The following GCNT4 variants were observed in gnomAD, a reference collection of about 807,000 sequenced individuals.
GCNT4 encodes beta-1,3-galactosyl-O-glycosyl-glycoprotein beta-1,6-N-acetylglucosaminyltransferase 4.
A neutral mutation model predicts 31.3 loss-of-function variants in GCNT4; 17 were observed. That is an observed-to-expected ratio of 0.54 (90% confidence interval 0.37 to 0.81). The LOEUF (loss-of-function observed/expected upper bound fraction) is 0.81, where lower values mean the gene tolerates loss of function less well. Among genes scored for constraint, GCNT4 ranks in the 40% least tolerant of loss-of-function variants. GCNT4 has a pLI of 0.00. For missense variants in GCNT4, 503 were observed against 525.5 expected (o/e 0.96, Z 0.42); for synonymous variants, 158 against 190.6 (o/e 0.83, Z 1.41).
chr5:75,018,462 A>G, the GCNT4 span, among the ~76,000 whole-genome samples: 1 of 151,930 alleles, frequency 6.6e-6, no homozygotes. Flanking sequence ...TTGTATTTTT[A>G]GTAGAGACGG....
rs1743027394 is a variant in GCNT4, at chr5:75,029,991, A to G, written c.47T>C (p.Val16Ala). ...CCATAGGGTTAAAAACAGGATGAAAACTTTCTGCTGTAGGGTATGTTTAAA... is the reference window on the plus strand; with the variant it reads ...CCATAGGGTTAAAAACAGGATGAAAGCTTTCTGCTGTAGGGTATGTTTAAA... ...CYFKHTLQQK[V>A]FILFLTLWLL... The change falls in exon 4 of 4, where the codon GTT becomes GCT. Residue 16 changes from valine (V) to alanine (A), a missense_variant. By Grantham distance (64) the Val-to-Ala change is moderately conservative (BLOSUM62 0). Transcript: ENST00000652361. The G allele has an allele frequency of 1.2e-6, 2 of 1,611,626 alleles. No individual in the cohort carries two copies. The highest frequency in any genetic ancestry group is 1.7e-5 in the Admixed American group (1 of 59,574).
intron 2 of GCNT4, among the ~76,000 whole-genome samples, chr5:75,049,125 A>G (rs1323374762): frequency 1.1e-5 from 1 of 94,906 alleles, no homozygotes; most frequent in African/African-American, 4.5e-5. Flanking sequence ...GAAGCCTCAC[A>G]CATTTGTGAT....
upstream of GCNT4, among the ~76,000 whole-genome samples, chr5:75,054,027 A>G (rs1743654247): frequency 6.6e-6 from 1 of 151,346 alleles, no homozygotes; most frequent in Non-Finnish European, 1.5e-5. Flanking sequence ...AACCAGACAG[A>G]AGGCAGCTCG....
At chr5:75,034,361 T>A (rs1230485260) in intron 3 of GCNT4, among the ~76,000 whole-genome samples, 1 of 152,128 alleles carries the variant, frequency 6.6e-6, no homozygotes, top group Non-Finnish European at 1.5e-5. Flanking sequence ...GGTGGGCTGG[T>A]AGAGGCCCCG....
At chr5:75,021,573 A>G (rs1382482429), downstream of GCNT4, among the ~76,000 whole-genome samples, 2 of 152,226 alleles carry the variant, frequency 1.3e-5, no homozygotes, top group African/African-American at 2.4e-5. Flanking sequence ...TGCACTAGCT[A>G]TTAGATTACA....
chr5:75,041,416 C>T (rs556918668), intron 3 of GCNT4, among the ~76,000 whole-genome samples: 5 of 152,184 alleles, frequency 3.3e-5, no homozygotes, highest in African/African-American at 4.8e-5. Context: ...CAATTATGAA[C>T]GTCATCATCT....
chr5:75,018,461 T>C, the GCNT4 span, among the ~76,000 whole-genome samples: 1 of 152,088 alleles, frequency 6.6e-6, no homozygotes, highest in African/African-American at 2.4e-5. Context: ...TTTGTATTTT[T>C]AGTAGAGACG....
Position 75,028,727 on chromosome 5 carries a change from A to C in GCNT4, c.1311T>G (p.Thr437=). 6.2e-7 allele frequency: 1 copy of C among 1,613,872 alleles called. No individual in the cohort carries two copies. ...KLEEQQRDWI[T]LPSEKLFMDR... ...CCATAAATAACTTTTCTGAGGGCAA[A>C]GTGATCCAGTCTCTCTGCTGTTCTT... Residue 437 remains threonine, a synonymous_variant, in exon 4 of 4, where the codon ACT becomes ACG. Coordinates refer to ENST00000652361, the MANE Select transcript of GCNT4 (RefSeq NM_001366737.1).
intron 3 of GCNT4, among the ~76,000 whole-genome samples, chr5:75,041,579 A>G (rs1351180110): frequency 3.9e-5 from 6 of 152,208 alleles, no homozygotes; most frequent in Non-Finnish European, 8.8e-5. Flanking sequence ...TTGGGCAGAA[A>G]TAAAGGACCT....
At chr5:75,017,065 T>A in the GCNT4 span, among the ~76,000 whole-genome samples, 1 of 152,196 alleles carries the variant, frequency 6.6e-6, no homozygotes, top group African/African-American at 2.4e-5. Context: ...TAGACTAGAG[T>A]TCCTGGAGGA....
At chr5:75,041,601 T>G (rs1040826272) in intron 3 of GCNT4, among the ~76,000 whole-genome samples, 2 of 152,158 alleles carry the variant, frequency 1.3e-5, no homozygotes, top group Non-Finnish European at 2.9e-5. Context: ...TAAGATTACA[T>G]GGGAAATGAG....
chr5:75,047,059 T>G (rs1172168681), intron 3 of GCNT4, among the ~76,000 whole-genome samples: 2 of 152,242 alleles, frequency 1.3e-5, no homozygotes, highest in African/African-American at 4.8e-5. Flanking sequence ...GGCCTCTTTT[T>G]GCCTTGCTAC....
At chr5:75,036,517 A>G (rs561973019) in intron 3 of GCNT4, among the ~76,000 whole-genome samples, 9 of 152,338 alleles carry the variant, frequency 5.9e-5, no homozygotes, top group East Asian at 5.8e-4. Context: ...AAAATTCTCC[A>G]TATTTCCCGC....
rs1002273893 is a variant in GCNT4 at position 75,029,485 on chromosome 5, T to C, written c.553A>G (p.Asn185Asp). The C allele has an allele frequency of 2.6e-5, 42 of 1,613,964 alleles. No homozygotes were observed. In the East Asian group the frequency reaches 3.1e-4, roughly 12 times the overall value. ...TCTAATTTGGAAGCAATGAAAATAT[T>C]GGAGAAGCACTTAGCTAAATTGTTC... is the stretch of plus-strand genomic sequence containing the variant. ...AMNNLAKCFS[N>D]IFIASKLEAV... The change falls in exon 4 of 4, where the codon AAT becomes GAT. Residue 185 changes from asparagine to aspartate, a missense_variant. By Grantham distance (23) the Asn-to-Asp change is conservative. Coordinates refer to ENST00000652361, the MANE Select transcript of GCNT4 (RefSeq NM_001366737.1).
chr5:75,049,349 ATTAAG>A (rs1743515437), intron 2 of GCNT4, among the ~76,000 whole-genome samples: 1 of 152,190 alleles, frequency 6.6e-6, no homozygotes, highest in South Asian at 2.1e-4. Flanking sequence ...TTCATAACAT[ATTAAG>A]TTGTGAGCTA....
At chr5:75,037,706 G>A (rs555519653) in intron 3 of GCNT4, among the ~76,000 whole-genome samples, 11 of 151,824 alleles carry the variant, frequency 7.2e-5, no homozygotes, top group African/African-American at 1.7e-4. Flanking sequence ...GTGAAACTCC[G>A]TCTCTACTGA....
At chr5:75,034,026 T>C (rs974211057) in intron 3 of GCNT4, among the ~76,000 whole-genome samples, 1 of 152,338 alleles carries the variant, frequency 6.6e-6, no homozygotes, top group Non-Finnish European at 1.5e-5. Context: ...TCATTCTTTT[T>C]TATGGCCGCA....
chr5:75,045,931 TG>T (rs138647562), intron 3 of GCNT4, among the ~76,000 whole-genome samples: 1,954 of 151,720 alleles, frequency 0.013, 48 homozygotes, highest in African/African-American at 0.043. Flanking sequence ...CATTTGGAAA[TG>T]TTTTTTTTTT....
At chr5:75,034,953 C>T (rs1243228720) in intron 3 of GCNT4, among the ~76,000 whole-genome samples, 4 of 145,010 alleles carry the variant, frequency 2.8e-5, no homozygotes, top group Admixed American at 6.8e-5. Context: ...TAAGCGGACA[C>T]GACCGCATTC....
Sources: allele counts gnomAD v4.1 joint callset (sites outside exome capture counted in the v4.1 genomes callset), GRCh38; gene constraint gnomAD v4.1.1; transcripts MANE v1.5; gene names NCBI Gene and HGNC (gene_info 2026-07-23, HGNC 2026-07-21).